The following IL23R variants were observed in gnomAD, a reference collection of about 807,000 sequenced individuals.
IL23R encodes interleukin-23 receptor.
In IL23R, 34 loss-of-function variants were observed where a neutral mutation model predicts 56.9. That is an observed-to-expected ratio of 0.60 (90% CI 0.45 to 0.80). IL23R has a LOEUF of 0.80. Ranked by LOEUF, IL23R falls within the 30% of genes least tolerant of loss-of-function variation. IL23R has a pLI of 0.00. For missense variants in IL23R, 635 were observed against 730.0 expected (o/e 0.87, Z 1.50); for synonymous variants, 230 against 249.2 (o/e 0.92, Z 0.73).
chr1:67,150,934 G>A (rs1646723443), intron 1 of IL23R, among the ~76,000 whole-genome samples: 2 of 152,106 alleles, frequency 1.3e-5, no homozygotes, highest in Admixed American at 1.3e-4. Flanking sequence ...ACGTATCTTT[G>A]TAGTAGAATT....
Position 67,206,935 on chromosome 1 carries a change from C to G in IL23R, c.678C>G (p.Ser226=), listed in dbSNP as rs1649112260. The G allele has an allele frequency of 1.3e-6, 2 of 1,496,642 alleles. No homozygotes were observed. The highest frequency in any genetic ancestry group is 1.8e-5 in the Admixed American group (1 of 56,128). The allele number at this position is 1,496,642 out of a possible 1,614,324, so 92.7% of individuals were successfully genotyped here. A position where few individuals can be genotyped will look rare whatever the true frequency, so the allele number is the denominator to read the frequency against. ...DIVIPSAAVI[S]RAETINATVP... ...TGATACCTTCTGCAGCCGTCATTTC[C>G]AGGGCTGAGACTATAAATGCTACAG... The change falls in exon 6 of 11, where the codon TCC becomes TCG. Residue 226 remains serine (S), a synonymous_variant. Transcript: ENST00000347310.
intron 1 of IL23R, among the ~76,000 whole-genome samples, chr1:67,149,888 AG>A (rs112555309): frequency 6.6e-6 from 1 of 152,200 alleles, no homozygotes; most frequent in African/African-American, 2.4e-5. Context: ...TGGTATATAC[AG>A]TTAACTACTT....
intron 1 of IL23R, among the ~76,000 whole-genome samples, chr1:67,146,016 G>A (rs527585894): frequency 6.6e-6 from 1 of 152,308 alleles, no homozygotes; most frequent in Admixed American, 6.5e-5. Context: ...GCACAGAGAA[G>A]CCATGTGGAG....
intron 1 of IL23R, among the ~76,000 whole-genome samples, chr1:67,146,923 C>G (rs1646684584): frequency 6.6e-6 from 1 of 152,184 alleles, no homozygotes; most frequent in Non-Finnish European, 1.5e-5. Flanking sequence ...TAGAACATCA[C>G]TCCACCCCGG....
intron 1 of IL23R, among the ~76,000 whole-genome samples, chr1:67,154,838 T>C (rs959992755): frequency 9.9e-5 from 15 of 152,200 alleles, no homozygotes; most frequent in African/African-American, 3.6e-4. Flanking sequence ...ATCATGATGA[T>C]AGCTGGTTAT....
At chr1:67,207,180 C>A (rs759282221) in intron 6 of IL23R, 125 bp downstream of exon 6, 126 of 1,066,116 alleles carry the variant, frequency 1.2e-4, no homozygotes, top group Admixed American at 4.8e-4. Context: ...GCATGATATT[C>A]AAGCCACTTT....
rs578185161 is a variant in IL23R at position 67,156,339 on chromosome 1, T to A, written c.-633-11753T>A. 2.4e-3 allele frequency among the ~76,000 whole-genome samples: 372 copies of A among 152,284 alleles called. 3 individuals carry two copies. Among genetic ancestry groups the A allele is most frequent in the African/African-American group, 8.4e-3 (350 of 41,556 alleles). The stretch of plus-strand genomic sequence containing the variant: ...GTGCTCTGTGCTGGGAGAATTCCTT[T>A]TGTCAGGATCCGCCACTCTCTTCAG... On this transcript the variant is annotated intron_variant, in intron 1 of 10. Coordinates refer to the IL23R transcript ENST00000637002.
At chr1:67,205,924 T>TTTC (rs1491459264) in intron 5 of IL23R, among the ~76,000 whole-genome samples, 1 of 104,696 alleles carries the variant, frequency 9.6e-6, no homozygotes, top group Non-Finnish European at 2.1e-5. Flanking sequence ...TCTTTCTTTC[T>TTTC]TTTTCTTTCT....
At chr1:67,160,972 C>T (rs763647126) in intron 1 of IL23R, among the ~76,000 whole-genome samples, 11 of 152,166 alleles carry the variant, frequency 7.2e-5, no homozygotes, top group Non-Finnish European at 1.6e-4. Context: ...TTTACCTTAT[C>T]ATCAGCTATT....
chr1:67,239,561 A>C (rs1651721461), intron 8 of IL23R, among the ~76,000 whole-genome samples: 1 of 152,226 alleles, frequency 6.6e-6, no homozygotes, highest in Non-Finnish European at 1.5e-5. Flanking sequence ...CACTGTGCCC[A>C]GCCAGCATTG....
chr1:67,231,592 T>G (rs1376264778), intron 7 of IL23R, among the ~76,000 whole-genome samples: 1 of 152,158 alleles, frequency 6.6e-6, no homozygotes, highest in Non-Finnish European at 1.5e-5. Flanking sequence ...AGTTGGTGTT[T>G]GAAACCACCT....
chr1:67,184,320 T>C (rs1647215604), intron 4 of IL23R, among the ~76,000 whole-genome samples: 1 of 151,888 alleles, frequency 6.6e-6, no homozygotes, highest in Non-Finnish European at 1.5e-5. Flanking sequence ...CTGAGGTGGG[T>C]GCATCACCTG....
At chr1:67,249,774 A>G (rs1652494637) in intron 9 of IL23R, among the ~76,000 whole-genome samples, 1 of 152,200 alleles carries the variant, frequency 6.6e-6, no homozygotes, top group South Asian at 2.1e-4. Flanking sequence ...TGGGAAGCCT[A>G]TAAAATATGT....
chr1:67,188,354 A>G (rs994958622), intron 4 of IL23R, among the ~76,000 whole-genome samples: 1 of 152,176 alleles, frequency 6.6e-6, no homozygotes, highest in East Asian at 1.9e-4. Flanking sequence ...ACAGTGTCAC[A>G]TGTCTACTCT....
At chr1:67,240,778 C>G (rs896484451) in intron 9 of IL23R, among the ~76,000 whole-genome samples, 2 of 152,140 alleles carry the variant, frequency 1.3e-5, no homozygotes, top group Non-Finnish European at 2.9e-5. Context: ...TGGGCAGCCC[C>G]CAGAATTACA....
chr1:67,206,822 C>T lies in IL23R; in HGVS notation c.653-88C>T. On this transcript the variant is annotated intron_variant, in intron 5 of 10. Coordinates refer to ENST00000347310, the MANE Select transcript of IL23R (RefSeq NM_144701.3). Reference sequence around the variant, plus strand: ...TATTTTTTTTTACTTTGAGCTTTCTCATATCTAGATATTGACGAAAAGATG... The same window carrying T: ...TATTTTTTTTTACTTTGAGCTTTCTTATATCTAGATATTGACGAAAAGATG... 6.1e-6 allele frequency: 8 copies of T among 1,315,466 alleles called. No homozygotes were observed. In the South Asian group the frequency reaches 8.4e-5, roughly 14 times the overall value. The allele number at this position is 1,315,466 out of a possible 1,614,324, so 81.5% of individuals were successfully genotyped here.
intron 7 of IL23R, among the ~76,000 whole-genome samples, chr1:67,224,160 A>C (rs1282169794): frequency 3.3e-5 from 5 of 152,232 alleles, no homozygotes; most frequent in Admixed American, 3.3e-4. Flanking sequence ...CACAGTAAAA[A>C]TCAAGCATAA....
At chr1:67,217,474 C>T (rs551997045) in intron 6 of IL23R, among the ~76,000 whole-genome samples, 6 of 152,106 alleles carry the variant, frequency 3.9e-5, no homozygotes, top group African/African-American at 1.4e-4. Flanking sequence ...TTTAAGAGGA[C>T]TTATCTATAA....
chr1:67,164,229 C>T (rs1646849330), upstream of IL23R, among the ~76,000 whole-genome samples: 1 of 152,236 alleles, frequency 6.6e-6, no homozygotes, highest in Non-Finnish European at 1.5e-5. Flanking sequence ...AGCACGGTGA[C>T]TCACGCCTGT....
Sources: gnomAD v4.1 joint callset for allele counts (sites outside exome capture counted in the v4.1 genomes callset) on GRCh38, gnomAD v4.1.1 for gene constraint, MANE v1.5 for transcripts, NCBI Gene and HGNC (gene_info 2026-07-23, HGNC 2026-07-21) for gene names.